ZNF521: variants seen among roughly 807,000 people sequenced by gnomAD.
ZNF521 encodes zinc finger protein 521.
ZNF521 carries 14 observed loss-of-function variants against 105.5 expected under a neutral mutation model. That is an observed-to-expected ratio of 0.13 (90% confidence interval 0.09 to 0.21). The LOEUF (loss-of-function observed/expected upper bound fraction) is 0.21, where lower values mean the gene tolerates loss of function less well. ZNF521 is among the 10% of genes least tolerant of loss of function. The pLI is 1.00. For synonymous variants in ZNF521, 635 were observed against 606.0 expected (o/e 1.05, Z -0.70); for missense variants, 1,233 against 1,629.7 (o/e 0.76, Z 4.19).
chr18:25,306,398 G>A (rs1911978314), intron 3 of ZNF521, among the ~76,000 whole-genome samples: 1 of 152,080 alleles, frequency 6.6e-6, no homozygotes, highest in Non-Finnish European at 1.5e-5. Context: ...TTTTTGGGGG[G>A]GAAAGGTGGG....
chr18:25,191,242 T>C (rs1315929537), intron 5 of ZNF521, among the ~76,000 whole-genome samples: 1 of 152,184 alleles, frequency 6.6e-6, no homozygotes, highest in African/African-American at 2.4e-5. Context: ...ATAATCCTTA[T>C]GTAAATGGCT....
rs1368029513 is a variant in ZNF521, at chr18:25,225,173, T to C, written c.2745A>G (p.Glu915=). 6 of 1,614,140 alleles carry C rather than the reference T, an allele frequency of 3.7e-6. 1 individual carries two copies. The East Asian group carries it at 6.7e-5, about 18-fold the overall frequency. Residue 915 remains glutamate (E), a synonymous_variant, in exon 4 of 8, where the codon GAA becomes GAG. Transcript: ENST00000361524. This position sits in a 1 kb window ranked among gnomAD's most constrained non-coding sequence, Gnocchi z 5.6. The stretch of plus-strand genomic sequence containing the variant: ...CAGCTTTCTTTTTCACGATGGCACT[T>C]TCTCCAGGTCTGATGTTGTGGTCTC... The part of the protein sequence containing the change: ...QLRDHNIRPG[E]SAIVKKKAEL...
intron 5 of ZNF521, among the ~76,000 whole-genome samples, chr18:25,106,840 T>C (rs2034083447): frequency 6.6e-6 from 1 of 152,208 alleles, no homozygotes; most frequent in South Asian, 2.1e-4. Flanking sequence ...TGTCATCTTT[T>C]CTACTGTCAC....
chr18:25,312,280 C>T (rs28592998), intron 3 of ZNF521, among the ~76,000 whole-genome samples: 3,421 of 152,224 alleles, frequency 0.022, 141 homozygotes, highest in African/African-American at 0.078. Context: ...ACAATACCCA[C>T]AAGCATTCAA....
intron 3 of ZNF521, among the ~76,000 whole-genome samples, chr18:25,303,311 A>T (rs56949321): frequency 0.39 from 27,393 of 70,586 alleles, 2,787 homozygotes; most frequent in African/African-American, 0.54. Flanking sequence ...TGTGTGTGTG[A>T]GAGAGAGACG....
At position 25,195,230 on chromosome 18, in the gene ZNF521, T is replaced by C. The variant is rs767344356; in HGVS notation, c.3588A>G (p.Gln1196=). 28 of 1,593,614 alleles carry C rather than the reference T, an allele frequency of 1.8e-5. No individual in the cohort carries two copies. The highest frequency in any genetic ancestry group is 5.4e-5 in the Admixed American group (3 of 55,914). Residue 1196 remains glutamine, a synonymous_variant, in exon 5 of 8, where the codon CAA becomes CAG. Coordinates refer to ENST00000361524, the MANE Select transcript of ZNF521 (RefSeq NM_015461.3). ...AGAAAACCATCTGACACTTGATGCA[T>C]TGATAGGTCTTCTTCTGAGAAAACA... is the stretch of plus-strand genomic sequence containing the variant. The part of the protein sequence containing the change: ...PSQSDEKKTY[Q]CIKCQMVFYN...
chr18:25,186,376 A>T (rs911324282), intron 5 of ZNF521, among the ~76,000 whole-genome samples: 1 of 152,220 alleles, frequency 6.6e-6, no homozygotes, highest in Non-Finnish European at 1.5e-5. Flanking sequence ...ATTAATCACC[A>T]ATTAATGAAA....
At chr18:25,298,623 G>A (rs779616042) in intron 3 of ZNF521, among the ~76,000 whole-genome samples, 13 of 151,996 alleles carry the variant, frequency 8.6e-5, no homozygotes, top group Admixed American at 2.0e-4. Context: ...ATGGAACAGC[G>A]GGTCATCAAA....
chr18:25,296,447 A>G (rs929876203), intron 3 of ZNF521, among the ~76,000 whole-genome samples: 1 of 152,164 alleles, frequency 6.6e-6, no homozygotes, highest in African/African-American at 2.4e-5. Context: ...TTGGGATCTG[A>G]GATTGTTTCT....
rs1914327780 is a variant in ZNF521, at chr18:25,343,572, T to C, written c.40+7335A>G. On this transcript the variant is annotated intron_variant, in intron 2 of 7. Transcript: ENST00000361524. ...CAAACTGCACTATTATGAAAACAAA[T>C]ATTCTGAATGTCAATCACTTGACCT... Among the ~76,000 whole-genome samples the C allele has an allele frequency of 2.0e-5, 3 of 152,308 alleles. 1 individual carries two copies. In the South Asian group the frequency reaches 6.2e-4, roughly 32 times the overall value.
chr18:25,242,997 AT>A (rs2144807786), intron 3 of ZNF521, among the ~76,000 whole-genome samples: 1 of 152,298 alleles, frequency 6.6e-6, no homozygotes, highest in South Asian at 2.1e-4. Flanking sequence ...GTATAAAAGA[AT>A]TTCTGAAAAT....
rs532645785 is a variant in ZNF521 at position 25,231,115 on chromosome 18, C to T, written c.221-3418G>A. Among the ~76,000 whole-genome samples, 7 of 152,298 alleles carry T rather than the reference C, an allele frequency of 4.6e-5. No individual in the cohort carries two copies. In the South Asian group the frequency reaches 1.2e-3, roughly 27 times the overall value. ...TTCCTAATTTCGCTGGCTGGCCACA[C>T]TGCAGCAGCCTCTGTGTTTCTGCCA... On this transcript the variant is annotated intron_variant, in intron 3 of 7. Transcript: ENST00000361524.
chr18:25,092,541 T>C (rs768766197), intron 5 of ZNF521, among the ~76,000 whole-genome samples: 1 of 152,212 alleles, frequency 6.6e-6, no homozygotes, highest in South Asian at 2.1e-4. Flanking sequence ...AGACTATCTT[T>C]TTCTATTTCC....
rs906579768 is a variant in ZNF521, at chr18:25,225,757, A to G, written c.2161T>C (p.Phe721Leu). ...KHLLDMHTFVFFRCTLCQEVF... is the reference protein window; with the variant it reads ...KHLLDMHTFVLFRCTLCQEVF... ...TCCTGGCAGAGGGTGCAGCGAAAGA[A>G]GACAAAGGTGTGCATGTCCAGCAGG... Residue 721 changes from phenylalanine (F) to leucine (L), a missense_variant, in exon 4 of 8, where the codon TTC (phenylalanine) becomes CTC (leucine). Physicochemically the swap from Phe to Leu is conservative, Grantham distance 22 (BLOSUM62 0). Transcript: ENST00000361524. The surrounding 1 kb of genome is among the most constrained non-coding windows in gnomAD (Gnocchi z 5.6). 3.7e-6 allele frequency: 6 copies of G among 1,614,246 alleles called. No individual in the cohort carries two copies. The highest frequency in any genetic ancestry group is 5.1e-6 in the Non-Finnish European group (6 of 1,180,036).
intron 5 of ZNF521, among the ~76,000 whole-genome samples, chr18:25,117,016 C>T (rs2034334557): frequency 2.1e-5 from 2 of 94,492 alleles, no homozygotes; most frequent in Non-Finnish European, 4.0e-5. Flanking sequence ...TACACACACA[C>T]ACATATATAT....
In ZNF521 at chr18:25,300,704, A is replaced by G. The variant is rs112493218; in HGVS notation, c.220+21304T>C. ...CCGCAATTACTTTTGCACCAACCTA[A>G]TAGGAACAGTAAAGTTCTTCAAAAA... On this transcript the variant is annotated intron_variant, in intron 3 of 7. Coordinates refer to ENST00000361524, the MANE Select transcript of ZNF521 (RefSeq NM_015461.3). Among the ~76,000 whole-genome samples, 422 of 152,026 alleles carry G rather than the reference A, an allele frequency of 2.8e-3. 2 individuals are homozygous for G. The highest frequency in any genetic ancestry group is 9.2e-3 in the African/African-American group (382 of 41,572).
At chr18:25,096,204 T>C (rs1385700218) in intron 5 of ZNF521, among the ~76,000 whole-genome samples, 1 of 152,174 alleles carries the variant, frequency 6.6e-6, no homozygotes, top group Non-Finnish European at 1.5e-5. Context: ...ATATTAAATG[T>C]TTCAAAGGAA....
intron 5 of ZNF521, among the ~76,000 whole-genome samples, chr18:25,117,547 A>G (rs1418306137): frequency 6.6e-6 from 1 of 152,180 alleles, no homozygotes; most frequent in Non-Finnish European, 1.5e-5. Flanking sequence ...TTCTTCATGA[A>G]TGAAAACATA....
At chr18:25,254,566 T>C (rs75828769) in intron 3 of ZNF521, among the ~76,000 whole-genome samples, 1,964 of 152,208 alleles carry the variant, frequency 0.013, 17 homozygotes, top group Non-Finnish European at 0.017. Flanking sequence ...TCCCTGGTAA[T>C]TTACTAGATC....
Sources: gnomAD v4.1 joint callset for allele counts (sites outside exome capture counted in the v4.1 genomes callset) on GRCh38, gnomAD v4.1.1 for gene constraint, Gnocchi (gnomAD v3.1) non-coding constraint, MANE v1.5 for transcripts, NCBI Gene and HGNC (gene_info 2026-07-23, HGNC 2026-07-21) for gene names.